Variants in ZNF892 observed in about 807,000 individuals in gnomAD.
The protein encoded by ZNF892 is zinc finger protein 892, also known as zinc finger protein 570-like.
the ZNF892 span, among the ~76,000 whole-genome samples, chr2:95,226,108 C>G: frequency 6.6e-6 from 1 of 152,200 alleles, no homozygotes; most frequent in Non-Finnish European, 1.5e-5. Flanking sequence ...TGCAGTGGCT[C>G]TGATCCCACA....
the ZNF892 span, among the ~76,000 whole-genome samples, chr2:95,233,862 T>C: frequency 6.6e-6 from 1 of 151,916 alleles, no homozygotes; most frequent in Middle Eastern, 3.4e-3. Flanking sequence ...GTATTTTTTG[T>C]AGAAATGGTG....
At chr2:95,254,551 T>G in the ZNF892 span, among the ~76,000 whole-genome samples, 1 of 152,192 alleles carries the variant, frequency 6.6e-6, no homozygotes, top group Non-Finnish European at 1.5e-5. Context: ...TCTTTTTTTG[T>G]TGTGTCTCTG....
chr2:95,226,712 A>G, the ZNF892 span, among the ~76,000 whole-genome samples: 1 of 152,160 alleles, frequency 6.6e-6, no homozygotes, highest in African/African-American at 2.4e-5. Flanking sequence ...TTATTGACTC[A>G]CTAAGGGAAG....
the ZNF892 span, among the ~76,000 whole-genome samples, chr2:95,207,367 G>C: frequency 6.6e-6 from 1 of 152,244 alleles, no homozygotes; most frequent in East Asian, 1.9e-4. Context: ...CGCTGGCAGG[G>C]TTCAGCCAGC....
At chr2:95,262,100 T>C in the ZNF892 span, among the ~76,000 whole-genome samples, 1 of 152,270 alleles carries the variant, frequency 6.6e-6, no homozygotes, top group Non-Finnish European at 1.5e-5. Flanking sequence ...ATTTTTATTT[T>C]CTTCAGTACT....
At chr2:95,216,076 G>C in the ZNF892 span, among the ~76,000 whole-genome samples, 7 of 152,134 alleles carry the variant, frequency 4.6e-5, no homozygotes, top group Non-Finnish European at 1.0e-4. Flanking sequence ...TAAGTTTAAG[G>C]AGCCAAAGGA....
the ZNF892 span, among the ~76,000 whole-genome samples, chr2:95,249,808 C>T: frequency 1.8e-4 from 27 of 152,160 alleles, no homozygotes; most frequent in African/African-American, 5.3e-4. Flanking sequence ...AACTTAAACA[C>T]GCGTAATAGT....
At chr2:95,242,908 T>C in the ZNF892 span, among the ~76,000 whole-genome samples, 1 of 152,198 alleles carries the variant, frequency 6.6e-6, no homozygotes, top group Admixed American at 6.5e-5. Flanking sequence ...CAGCCGAACC[T>C]GGACTGTACC....
At chr2:95,257,831 A>G in the ZNF892 span, among the ~76,000 whole-genome samples, 1 of 152,112 alleles carries the variant, frequency 6.6e-6, no homozygotes, top group Non-Finnish European at 1.5e-5. Flanking sequence ...TGTGCTAGCA[A>G]TGAGCGAGGC....
chr2:95,236,578 G>C, the ZNF892 span, among the ~76,000 whole-genome samples: 2 of 152,262 alleles, frequency 1.3e-5, no homozygotes, highest in South Asian at 4.1e-4. Context: ...ACCACATTCA[G>C]TGGTATGATC....
chr2:95,256,209 C>T, the ZNF892 span, among the ~76,000 whole-genome samples: 1 of 152,168 alleles, frequency 6.6e-6, no homozygotes, highest in Non-Finnish European at 1.5e-5. Flanking sequence ...GTGGCTGGTA[C>T]TGGTTGTTCC....
chr2:95,254,057 T>G, the ZNF892 span, among the ~76,000 whole-genome samples: 1 of 152,326 alleles, frequency 6.6e-6, no homozygotes, highest in African/African-American at 2.4e-5. Context: ...CTTTTCCTAA[T>G]TGAATACCCT....
chr2:95,219,895 G>A, the ZNF892 span, among the ~76,000 whole-genome samples: 6 of 152,176 alleles, frequency 3.9e-5, no homozygotes, highest in African/African-American at 1.4e-4. Context: ...CACCACACTG[G>A]CTGGGGAAGA....
chr2:95,210,253 G>GTA, the ZNF892 span, among the ~76,000 whole-genome samples: 1 of 150,006 alleles, frequency 6.7e-6, no homozygotes, highest in Admixed American at 6.7e-5. Context: ...ATATATATGT[G>GTA]TATATATATG....
At chr2:95,248,278 A>C in the ZNF892 span, among the ~76,000 whole-genome samples, 2 of 152,192 alleles carry the variant, frequency 1.3e-5, no homozygotes, top group East Asian at 3.9e-4. Flanking sequence ...AGTGGGAGTT[A>C]AACACTGGGT....
At chr2:95,243,369 G>A in the ZNF892 span, among the ~76,000 whole-genome samples, 13 of 150,824 alleles carry the variant, frequency 8.6e-5, 1 homozygote, top group South Asian at 4.2e-4. Flanking sequence ...AGTGAGGAGC[G>A]TTTCTGCCCG....
At chr2:95,230,611 G>A in the ZNF892 span, among the ~76,000 whole-genome samples, 1 of 152,152 alleles carries the variant, frequency 6.6e-6, no homozygotes, top group African/African-American at 2.4e-5. Flanking sequence ...TGGTGAGACG[G>A]GAAGTGGCAG....
At chr2:95,253,570 C>G in the ZNF892 span, among the ~76,000 whole-genome samples, 2 of 152,120 alleles carry the variant, frequency 1.3e-5, no homozygotes, top group Non-Finnish European at 2.9e-5. Context: ...AATGTGGGCT[C>G]TTTTTTGGTT....
At chr2:95,248,938 C>T in the ZNF892 span, among the ~76,000 whole-genome samples, 1 of 151,696 alleles carries the variant, frequency 6.6e-6, no homozygotes, top group Non-Finnish European at 1.5e-5. Context: ...TTTTTGCATA[C>T]CTTATTGATT....
Sources: allele counts gnomAD v4.1 joint callset (sites outside exome capture counted in the v4.1 genomes callset), GRCh38; gene constraint gnomAD v4.1.1; transcripts MANE v1.5; gene names NCBI Gene and HGNC (gene_info 2026-07-23, HGNC 2026-07-21).